Variants in MAD2L1 observed in about 807,000 individuals in gnomAD.
MAD2L1 encodes mitotic spindle assembly checkpoint protein MAD2A.
A neutral mutation model predicts 25.9 loss-of-function variants in MAD2L1; 10 were observed. The observed-to-expected ratio is 0.39, with a 90% CI of 0.24 to 0.66. The LOEUF (loss-of-function observed/expected upper bound fraction) is 0.66. Ranked by LOEUF, MAD2L1 falls within the 30% of genes least tolerant of loss-of-function variation. The pLI is 0.49. For synonymous variants in MAD2L1, 81 were observed against 91.8 expected, an observed-to-expected ratio of 0.88 and a Z score of 0.67; for missense variants, 180 against 246.4, an observed-to-expected ratio of 0.73 and a Z score of 1.80.
intron 4 of MAD2L1, 39 bp downstream of exon 4, chr4:120,060,835 C>T: frequency 1.5e-6 from 2 of 1,326,438 alleles, no homozygotes; most frequent in African/African-American, 1.5e-5. Flanking sequence ...GTCTTTTTGC[C>T]AATCAATTTA....
In MAD2L1 at chr4:120,060,133, A is replaced by G; in HGVS notation, c.603T>C (p.Ile201=). Residue 201 remains isoleucine, a synonymous_variant, in exon 5 of 5, where the codon ATT becomes ATC. Coordinates refer to ENST00000296509, the MANE Select transcript of MAD2L1 (RefSeq NM_002358.4). ...HKVNSMVAYK[I]PVND is the part of the protein sequence containing the mutation. ...CATGTCATCCTCAGTCATTGACAGGAATTTTGTAGGCCACCATGCTATTTA... is the reference window on the plus strand; with the variant it reads ...CATGTCATCCTCAGTCATTGACAGGGATTTTGTAGGCCACCATGCTATTTA... 6.2e-7 allele frequency: 1 copy of G among 1,601,494 alleles called. No homozygotes were observed. The highest frequency in any genetic ancestry group is 8.5e-7 in the Non-Finnish European group (1 of 1,172,784).
At chr4:120,061,583 T>C (rs541377331) in intron 3 of MAD2L1, among the ~76,000 whole-genome samples, 2 of 152,236 alleles carry the variant, frequency 1.3e-5, no homozygotes, top group Non-Finnish European at 2.9e-5. Context: ...AGGAAGTAGA[T>C]GGCATTAAAG....
At chr4:120,066,608 C>A in intron 1 of MAD2L1, 54 bp downstream of exon 1, 1 of 1,516,112 alleles carries the variant, frequency 6.6e-7, no homozygotes, top group South Asian at 1.2e-5. Flanking sequence ...TGTGGGCCTA[C>A]TGAGCCGTCA....
Position 120,056,961 on chromosome 4 carries a change from G to C in MAD2L1, c.*3157C>G, listed in dbSNP as rs1336226710. ...GGAGGCAACAAACGATGTTTTACAA[G>C]TGAGCTTTAAATATTACGGTATCAA... is the stretch of plus-strand genomic sequence containing the variant. On this transcript the variant is annotated 3_prime_UTR_variant, in exon 5 of 5. Transcript: ENST00000296509. 1 of 152,218 alleles carries C rather than the reference G, an allele frequency of 6.6e-6. No individual in the cohort carries two copies. The highest frequency in any genetic ancestry group is 1.5e-5 in the Non-Finnish European group (1 of 68,032). 9.4% of individuals were successfully genotyped at this position (152,218 alleles called of 1,614,324 possible).
intron 2 of MAD2L1, among the ~76,000 whole-genome samples, chr4:120,062,362 G>A (rs1030365865): frequency 2.6e-5 from 4 of 152,144 alleles, no homozygotes; most frequent in African/African-American, 9.7e-5. Context: ...CATAGGAGAT[G>A]GGCATTAATC....
chr4:120,061,901 A>G (rs1055711751), intron 3 of MAD2L1, 74 bp downstream of exon 3: 3 of 1,162,142 alleles, frequency 2.6e-6, no homozygotes, highest in Non-Finnish European at 3.6e-6. Flanking sequence ...CAATACAATT[A>G]GAACTCAATT....
intron 4 of MAD2L1, among the ~76,000 whole-genome samples, chr4:120,060,552 C>A (rs1047082291): frequency 6.6e-6 from 1 of 151,996 alleles, no homozygotes; most frequent in African/African-American, 2.4e-5. Flanking sequence ...ATAGTGATGC[C>A]AGCATATTGT....
rs1244824719 is a variant in MAD2L1 at position 120,055,957 on chromosome 4, G to C, written c.*4161C>G. The C allele has an allele frequency of 6.6e-6, 1 of 152,146 alleles. No individual in the cohort carries two copies. Among genetic ancestry groups the C allele is most frequent in the Non-Finnish European group, 1.5e-5 (1 of 68,012 alleles). The allele number at this position is 152,146 out of a possible 1,614,324, so 9.4% of individuals were successfully genotyped here. A position where few individuals can be genotyped will look rare whatever the true frequency, so the allele number is the denominator to read the frequency against. ...AATACAAAGTCACCCAATAAAACAT[G>C]AATAAGTTTTGCAAAGCACAGTAAA... On this transcript the variant is annotated 3_prime_UTR_variant, in exon 5 of 5. Transcript: ENST00000296509.
At chr4:120,060,787 A>G in intron 4 of MAD2L1, 87 bp downstream of exon 4, 6 of 777,010 alleles carry the variant, frequency 7.7e-6, no homozygotes, top group Non-Finnish European at 8.4e-6. Flanking sequence ...GATAAATAAG[A>G]CAAAATTTAA....
intron 2 of MAD2L1, among the ~76,000 whole-genome samples, chr4:120,062,927 T>A: frequency 6.6e-6 from 1 of 152,184 alleles, no homozygotes; most frequent in Non-Finnish European, 1.5e-5. Context: ...GAGCAATAGG[T>A]AGATTTAAGA....
chr4:120,061,596 A>G (rs1466381552), intron 3 of MAD2L1, among the ~76,000 whole-genome samples: 1 of 152,142 alleles, frequency 6.6e-6, no homozygotes, highest in African/African-American at 2.4e-5. Flanking sequence ...CATTAAAGGA[A>G]GTACAGCAGA....
rs1553952536 is a variant in MAD2L1 at position 120,058,602 on chromosome 4, C to CTGGGCGACAGAATAAGACTCTATCT, written c.*1515_*1516insAGATAGAGTCTTATTCTGTCGCCCA. 2 of 151,910 alleles carry CTGGGCGACAGAATAAGACTCTATCT rather than the reference C, an allele frequency of 1.3e-5. No individual in the cohort carries two copies. The highest frequency in any genetic ancestry group is 2.4e-5 in the African/African-American group (1 of 41,294). The allele number at this position is 151,910 out of a possible 1,614,324, so 9.4% of individuals were successfully genotyped here. A position where few individuals can be genotyped will look rare whatever the true frequency, so the allele number is the denominator to read the frequency against. On this transcript the variant is annotated 3_prime_UTR_variant, in exon 5 of 5. Coordinates refer to ENST00000296509, the MANE Select transcript of MAD2L1 (RefSeq NM_002358.4). Reference sequence around the variant, plus strand: ...CTGAGCTGCGTCACTGTACTCCAGCCTGGGCGACAGAATAAGACTCCATCT... The same window carrying CTGGGCGACAGAATAAGACTCTATCT: ...CTGAGCTGCGTCACTGTACTCCAGCCTGGGCGACAGAATAAGACTCTATCTTGGGCGACAGAATAAGACTCCATCT...
chr4:120,061,076 A>C, intron 3 of MAD2L1, 99 bp from the exon 4 acceptor site: 1 of 685,624 alleles, frequency 1.5e-6, no homozygotes, highest in Non-Finnish European at 2.6e-6. Context: ...TGCTCTCAAC[A>C]TCAAATAAGC....
intron 1 of MAD2L1, among the ~76,000 whole-genome samples, chr4:120,066,104 T>G (rs1447965855): frequency 1.3e-5 from 2 of 151,980 alleles, no homozygotes; most frequent in Non-Finnish European, 2.9e-5. Flanking sequence ...AAGTCCAAAT[T>G]CAGATTATGA....
At position 120,061,959 on chromosome 4, in the gene MAD2L1, T is replaced by C; in HGVS notation, c.341+16A>G. 4 of 1,585,018 alleles carry C rather than the reference T, an allele frequency of 2.5e-6. No homozygotes were observed. The highest frequency in any genetic ancestry group is 1.2e-5 in the South Asian group (1 of 85,110). ...AAAAAATATATCAAAGTAGAAATAA[T>C]GTAATTCCTATTTACCTGTCATCTT... On this transcript the variant is annotated intron_variant, in intron 3 of 4. Transcript: ENST00000296509.
chr4:120,066,567 C>T (rs1219016956), intron 1 of MAD2L1, 95 bp downstream of exon 1: 3 of 1,155,826 alleles, frequency 2.6e-6, no homozygotes, highest in Non-Finnish European at 3.8e-6. Flanking sequence ...CGCCTCTCCC[C>T]AGATTACTTC....
At chr4:120,060,488 T>G (rs971842096) in intron 4 of MAD2L1, among the ~76,000 whole-genome samples, 198 bp from the exon 5 acceptor site, 2 of 152,184 alleles carry the variant, frequency 1.3e-5, no homozygotes, top group African/African-American at 4.8e-5. Context: ...TGCAATTTAG[T>G]GATTGTGTTC....
intron 3 of MAD2L1, among the ~76,000 whole-genome samples, chr4:120,061,554 G>C (rs185443924): frequency 5.4e-4 from 82 of 152,258 alleles, no homozygotes; most frequent in African/African-American, 1.9e-3. Context: ...GGAACCTTCA[G>C]AAATTTATGA....
rs768206152 is a variant in MAD2L1, at chr4:120,066,755, G to A, written c.-21C>T. 9.5e-6 allele frequency: 15 copies of A among 1,578,678 alleles called. No homozygotes were observed. The East Asian group carries it at 1.8e-4, about 19-fold the overall frequency. On this transcript the variant is annotated 5_prime_UTR_variant, in exon 1 of 5. Coordinates refer to ENST00000296509, the MANE Select transcript of MAD2L1 (RefSeq NM_002358.4). ...GCCATGGCCAGGGACACAAACAAAA[G>A]CACGCGCTTCCACTCCGCGGACAGC...
Sources: gnomAD v4.1 joint callset for allele counts (sites outside exome capture counted in the v4.1 genomes callset) on GRCh38, gnomAD v4.1.1 for gene constraint, MANE v1.5 for transcripts, NCBI Gene and HGNC (gene_info 2026-07-23, HGNC 2026-07-21) for gene names.